CCDC148: variants seen among roughly 807,000 people sequenced by gnomAD.
The protein encoded by CCDC148 is coiled-coil domain containing 148.
Under a neutral mutation model 85.7 loss-of-function variants are expected in CCDC148, and 89 were observed. That is an observed-to-expected ratio of 1.04 (90% CI 0.87 to 1.24). The LOEUF (loss-of-function observed/expected upper bound fraction) is 1.24. Among genes scored for constraint, CCDC148 ranks in the 50% most tolerant of loss-of-function variants. CCDC148 has a pLI of 0.00. For missense variants in CCDC148, 692 were observed against 671.7 expected (o/e 1.03, Z -0.33); for synonymous variants, 230 against 213.9 (o/e 1.08, Z -0.66).
At chr2:158,381,902 G>A (rs1476911837) in intron 1 of CCDC148, among the ~76,000 whole-genome samples, 5 of 152,060 alleles carry the variant, frequency 3.3e-5, no homozygotes, top group Non-Finnish European at 7.4e-5. Flanking sequence ...TCTGAATGTT[G>A]GTGTTTCATG....
chr2:158,385,941 T>C (rs930716586), intron 1 of CCDC148, among the ~76,000 whole-genome samples: 1 of 152,272 alleles, frequency 6.6e-6, no homozygotes, highest in Non-Finnish European at 1.5e-5. Context: ...CCTGGTTTTC[T>C]GTGCTACTGC....
chr2:158,343,005 T>A (rs2105246289), intron 3 of CCDC148, among the ~76,000 whole-genome samples: 1 of 152,310 alleles, frequency 6.6e-6, no homozygotes, highest in Non-Finnish European at 1.5e-5. Context: ...GCATATGTTT[T>A]CATTTTGTTT....
intron 7 of CCDC148, among the ~76,000 whole-genome samples, chr2:158,323,157 G>A (rs1384343931): frequency 6.6e-6 from 1 of 152,114 alleles, no homozygotes; most frequent in Non-Finnish European, 1.5e-5. Flanking sequence ...TAGTCAAATT[G>A]TTTTTAAAAT....
At chr2:158,400,737 A>T (rs560112612) in intron 1 of CCDC148, among the ~76,000 whole-genome samples, 2 of 152,358 alleles carry the variant, frequency 1.3e-5, no homozygotes, top group Admixed American at 6.5e-5. Context: ...GAGCTTCTGC[A>T]CAGCAAGAGA....
intron 1 of CCDC148, 118 bp downstream of exon 1, chr2:158,456,295 TGA>T (rs1688720164): frequency 1.0e-6 from 1 of 989,860 alleles, no homozygotes; most frequent in Non-Finnish European, 1.6e-6. Context: ...CCCAAAACGT[TGA>T]GGAAAGATCC....
intron 1 of CCDC148, among the ~76,000 whole-genome samples, chr2:158,418,821 G>A (rs1425569941): frequency 2.0e-5 from 3 of 151,856 alleles, no homozygotes; most frequent in Non-Finnish European, 4.4e-5. Context: ...ATAATGCCTG[G>A]CATATAGGAA....
rs577752826 is a variant in CCDC148 at position 158,339,896 on chromosome 2, T to C, written c.486+346A>G. On this transcript the variant is annotated intron_variant, in intron 5 of 13. Coordinates refer to ENST00000283233, the MANE Select transcript of CCDC148 (RefSeq NM_138803.4). ...GGCTATAGGTGGATAGAAGGACTTA[T>C]GTACTCACAGGAGCCCCTAGGGAAT... is the stretch of plus-strand genomic sequence containing the variant. Among the ~76,000 whole-genome samples, 70 of 152,292 alleles carry C rather than the reference T, an allele frequency of 4.6e-4. 2 individuals are homozygous for C. In the South Asian group the frequency reaches 0.013, roughly 29 times the overall value.
At chr2:158,345,471 A>G (rs142746519) in intron 2 of CCDC148, among the ~76,000 whole-genome samples, 153 bp from the exon 3 acceptor site, 9 of 152,166 alleles carry the variant, frequency 5.9e-5, no homozygotes, top group African/African-American at 1.7e-4. Context: ...ACCTAAAATA[A>G]ATTTGATTTT....
At chr2:158,264,067 T>A (rs1689350424) in intron 9 of CCDC148, among the ~76,000 whole-genome samples, 1 of 151,692 alleles carries the variant, frequency 6.6e-6, no homozygotes, top group Non-Finnish European at 1.5e-5. Flanking sequence ...GTAACCACTG[T>A]AACTTTTTTT....
intron 10 of CCDC148, among the ~76,000 whole-genome samples, chr2:158,249,368 A>G (rs1032406243): frequency 2.0e-5 from 3 of 152,172 alleles, no homozygotes; most frequent in African/African-American, 2.4e-5. Flanking sequence ...AAGTTCCCCT[A>G]TTCCAGAGAT....
At chr2:158,322,884 A>G (rs2105222415) in intron 7 of CCDC148, among the ~76,000 whole-genome samples, 1 of 152,276 alleles carries the variant, frequency 6.6e-6, no homozygotes, top group Admixed American at 6.5e-5. Context: ...ATACCTATTA[A>G]ACTATAAAGT....
At chr2:158,252,787 C>T (rs1688847990) in intron 9 of CCDC148, among the ~76,000 whole-genome samples, 1 of 151,796 alleles carries the variant, frequency 6.6e-6, no homozygotes, top group African/African-American at 2.4e-5. Flanking sequence ...GGAGTTCATT[C>T]TATGTTTCTG....
chr2:158,363,833 G>T (rs1397702907), intron 1 of CCDC148, among the ~76,000 whole-genome samples: 1 of 152,072 alleles, frequency 6.6e-6, no homozygotes, highest in Admixed American at 6.6e-5. Context: ...GCAGGAGAAA[G>T]AAATAAAGGG....
At chr2:158,311,148 G>A (rs560832956) in intron 8 of CCDC148, among the ~76,000 whole-genome samples, 11 of 152,296 alleles carry the variant, frequency 7.2e-5, no homozygotes, top group East Asian at 1.9e-4. Flanking sequence ...TGTAGCGAGC[G>A]GAGATCACGC....
intron 1 of CCDC148, among the ~76,000 whole-genome samples, chr2:158,394,979 G>T (rs1276666576): frequency 6.6e-6 from 1 of 151,914 alleles, no homozygotes; most frequent in East Asian, 1.9e-4. Context: ...TATTTCTTCA[G>T]CTTTGTTTTC....
chr2:158,288,423 GTCACC>G (rs1690733501), intron 9 of CCDC148, among the ~76,000 whole-genome samples: 1 of 152,096 alleles, frequency 6.6e-6, no homozygotes, highest in Non-Finnish European at 1.5e-5. Flanking sequence ...CAGAACCCAG[GTCACC>G]TCTTAAGTGT....
At chr2:158,191,100 T>C (rs1295394125) in intron 11 of CCDC148, among the ~76,000 whole-genome samples, 4 of 152,046 alleles carry the variant, frequency 2.6e-5, no homozygotes, top group African/African-American at 9.7e-5. Flanking sequence ...GACATCTGTA[T>C]GATTATGATG....
chr2:158,406,613 C>CTTTTTTTTTCTGTTTTTTTTTTTTTT lies in CCDC148; in HGVS notation c.26-48044_26-48043insAAAAAAAAAAAAAACAGAAAAAAAAA, dbSNP rs1559124447. Among the ~76,000 whole-genome samples the CTTTTTTTTTCTGTTTTTTTTTTTTTT allele has an allele frequency of 3.5e-4, 11 of 31,446 alleles. 1 individual carries two copies. Among genetic ancestry groups the CTTTTTTTTTCTGTTTTTTTTTTTTTT allele is most frequent in the East Asian group, 1.4e-3 (1 of 738 alleles). The allele number at this position is 31,446 out of a possible 152,430, so 20.6% of individuals were successfully genotyped here. A position where few individuals can be genotyped will look rare whatever the true frequency, so the allele number is the denominator to read the frequency against. Reference sequence around the variant, plus strand: ...ACAGCCAGTTAAACAGATTAAATTTCTTTTTTTTTTTTTTTTTTTTTTTTT... The same window carrying CTTTTTTTTTCTGTTTTTTTTTTTTTT: ...ACAGCCAGTTAAACAGATTAAATTTCTTTTTTTTTCTGTTTTTTTTTTTTTTTTTTTTTTTTTTTTTTTTTTTTTTT... On this transcript the variant is annotated intron_variant, in intron 1 of 13. Coordinates refer to ENST00000283233, the MANE Select transcript of CCDC148 (RefSeq NM_138803.4).
chr2:158,356,423 C>G (rs1463721357), intron 2 of CCDC148, among the ~76,000 whole-genome samples: 1 of 146,706 alleles, frequency 6.8e-6, no homozygotes, highest in East Asian at 2.0e-4. Context: ...GGGCGAAGGA[C>G]ATGAACAGAC....
Sources: gnomAD v4.1 joint callset for allele counts (sites outside exome capture counted in the v4.1 genomes callset) on GRCh38, gnomAD v4.1.1 for gene constraint, MANE v1.5 for transcripts, NCBI Gene and HGNC (gene_info 2026-07-23, HGNC 2026-07-21) for gene names.